Variants in FHIT observed in about 807,000 individuals in gnomAD.
The protein encoded by FHIT is fragile histidine triad diadenosine triphosphatase.
Under a neutral mutation model 17.9 loss-of-function variants are expected in FHIT, and 19 were observed. That is an observed-to-expected ratio of 1.06 (90% CI 0.74 to 1.56). The LOEUF (loss-of-function observed/expected upper bound fraction) is 1.56, where lower values mean the gene tolerates loss of function less well. Ranked by LOEUF, FHIT falls within the 40% of genes most tolerant of loss-of-function variation. The pLI is 0.00. For missense variants in FHIT, 248 were observed against 189.2 expected (o/e 1.31, Z -1.82); for synonymous variants, 81 against 69.7 (o/e 1.16, Z -0.81).
At chr3:59,946,119 T>C in intron 7 of FHIT, among the ~76,000 whole-genome samples, 1 of 152,206 alleles carries the variant, frequency 6.6e-6, no homozygotes, top group Non-Finnish European at 1.5e-5. Context: ...CTTTGGGCAG[T>C]GTGGCCATTT....
At chr3:61,105,889 AC>A (rs1197537285) in intron 2 of FHIT, among the ~76,000 whole-genome samples, 4 of 152,250 alleles carry the variant, frequency 2.6e-5, no homozygotes, top group Admixed American at 2.6e-4. Flanking sequence ...TTGCATTTTT[AC>A]AATGGTAAAA....
chr3:60,605,375 C>T (rs77271162), intron 4 of FHIT, among the ~76,000 whole-genome samples: 1 of 152,242 alleles, frequency 6.6e-6, no homozygotes, highest in African/African-American at 2.4e-5. Flanking sequence ...GAGTAAAATG[C>T]TTTTAGCTTT....
At chr3:60,461,404 C>T (rs1009837596) in intron 5 of FHIT, among the ~76,000 whole-genome samples, 2 of 151,980 alleles carry the variant, frequency 1.3e-5, no homozygotes, top group African/African-American at 4.8e-5. Flanking sequence ...GAGACATTCC[C>T]ATACTAAGTG....
chr3:60,428,045 G>A (rs570989857), intron 5 of FHIT, among the ~76,000 whole-genome samples: 1 of 152,196 alleles, frequency 6.6e-6, no homozygotes, highest in African/African-American at 2.4e-5. Flanking sequence ...TAGGTACTAG[G>A]TTGGCCTTTT....
intron 2 of FHIT, among the ~76,000 whole-genome samples, chr3:61,160,912 C>T (rs2037669827): frequency 6.6e-6 from 1 of 152,084 alleles, no homozygotes; most frequent in Admixed American, 6.5e-5. Context: ...CCAGTCTATT[C>T]AATCTAAAAA....
At chr3:60,057,929 T>G (rs1041112166) in intron 5 of FHIT, among the ~76,000 whole-genome samples, 2 of 151,996 alleles carry the variant, frequency 1.3e-5, no homozygotes, top group African/African-American at 4.8e-5. Flanking sequence ...ACTCATCATC[T>G]CAGTGACTGG....
At chr3:61,122,522 A>C (rs1576054910) in intron 2 of FHIT, among the ~76,000 whole-genome samples, 1 of 152,350 alleles carries the variant, frequency 6.6e-6, no homozygotes, top group South Asian at 2.1e-4. Context: ...AATTAAACTA[A>C]AGAGCTTCTG....
chr3:60,561,417 G>T (rs754158848), intron 4 of FHIT, among the ~76,000 whole-genome samples: 1 of 151,836 alleles, frequency 6.6e-6, no homozygotes, highest in Non-Finnish European at 1.5e-5. Context: ...CTTACAAGTC[G>T]CTATTGATAG....
chr3:60,443,229 T>C (rs1053657649), intron 5 of FHIT, among the ~76,000 whole-genome samples: 6 of 152,178 alleles, frequency 3.9e-5, no homozygotes, highest in Admixed American at 3.9e-4. Flanking sequence ...ACAGTGACAA[T>C]TTGACTTCCT....
chr3:61,159,857 C>A (rs1289529599), intron 2 of FHIT, among the ~76,000 whole-genome samples: 2 of 152,170 alleles, frequency 1.3e-5, no homozygotes, highest in Non-Finnish European at 1.5e-5. Context: ...TCTTTGGGGT[C>A]ATCAGCCCCC....
chr3:60,079,932 A>T (rs943496646), intron 5 of FHIT, among the ~76,000 whole-genome samples: 1 of 152,190 alleles, frequency 6.6e-6, no homozygotes, highest in Non-Finnish European at 1.5e-5. Context: ...AAGATGTGCT[A>T]ATGATAGATT....
intron 1 of FHIT, among the ~76,000 whole-genome samples, chr3:61,214,123 A>G (rs2039587544): frequency 6.6e-6 from 1 of 151,628 alleles, no homozygotes; most frequent in African/African-American, 2.4e-5. Flanking sequence ...AAACGCATTC[A>G]AAAGCTAGCA....
intron 3 of FHIT, among the ~76,000 whole-genome samples, chr3:60,979,618 C>A (rs1016099385): frequency 1.3e-5 from 2 of 152,126 alleles, no homozygotes; most frequent in Non-Finnish European, 2.9e-5. Flanking sequence ...CCCTTCTGGG[C>A]CCGTCATGAC....
intron 5 of FHIT, among the ~76,000 whole-genome samples, chr3:60,263,156 A>G (rs1576387989): frequency 6.6e-6 from 1 of 151,992 alleles, no homozygotes; most frequent in African/African-American, 2.4e-5. Flanking sequence ...ATACTGCTAC[A>G]CAGCTAAATA....
At chr3:59,891,216 C>T (rs9862817) in intron 8 of FHIT, among the ~76,000 whole-genome samples, 4,165 of 152,190 alleles carry the variant, frequency 0.027, 171 homozygotes, top group African/African-American at 0.094. Flanking sequence ...CCAACTCTGG[C>T]GGGCAAAATA....
chr3:60,950,860 G>A (rs1476513858), intron 3 of FHIT, among the ~76,000 whole-genome samples: 6 of 151,996 alleles, frequency 3.9e-5, no homozygotes, highest in African/African-American at 1.2e-4. Context: ...TAAAAGGAGC[G>A]GATTTATCTA....
chr3:59,764,269 A>G (rs1004616435), intron 8 of FHIT, among the ~76,000 whole-genome samples: 1 of 152,162 alleles, frequency 6.6e-6, no homozygotes, highest in Non-Finnish European at 1.5e-5. Flanking sequence ...AATGCATACC[A>G]TATGTTTGGC....
chr3:60,228,886 T>C (rs1053647469), intron 5 of FHIT, among the ~76,000 whole-genome samples: 11 of 152,158 alleles, frequency 7.2e-5, no homozygotes, highest in African/African-American at 2.7e-4. Context: ...ACAATAGTTC[T>C]ATAAAATACG....
intron 3 of FHIT, among the ~76,000 whole-genome samples, chr3:60,831,723 G>C (rs546684776): frequency 6.6e-6 from 1 of 152,108 alleles, no homozygotes; most frequent in African/African-American, 2.4e-5. Flanking sequence ...CACCACATAA[G>C]AGAAAAGCAG....
Sources: gnomAD v4.1 joint callset for allele counts (sites outside exome capture counted in the v4.1 genomes callset) on GRCh38, gnomAD v4.1.1 for gene constraint, MANE v1.5 for transcripts, NCBI Gene and HGNC (gene_info 2026-07-23, HGNC 2026-07-21) for gene names.